The following SIL1 variants were observed in gnomAD, a reference collection of about 807,000 sequenced individuals.
The protein encoded by SIL1 is SIL1 nucleotide exchange factor, also known as nucleotide exchange factor SIL1.
SIL1 carries 40 observed loss-of-function variants against 49.1 expected under a neutral mutation model. The ratio of observed to expected loss-of-function variants is 0.81; its 90% CI spans 0.63 to 1.06. The LOEUF (loss-of-function observed/expected upper bound fraction) is 1.06. Among genes scored for constraint, SIL1 ranks in the 50% least tolerant of loss-of-function variants. The pLI, the probability that SIL1 is intolerant of heterozygous loss-of-function variation, is 0.00. For missense variants in SIL1, 500 were observed against 572.6 expected (o/e 0.87, Z 1.29); for synonymous variants, 253 against 250.8 (o/e 1.01, Z -0.08).
At chr5:139,055,905 G>A (rs531719043) in intron 3 of SIL1, among the ~76,000 whole-genome samples, 19 of 152,092 alleles carry the variant, frequency 1.2e-4, no homozygotes, top group African/African-American at 4.1e-4. Context: ...GCTCCTAACC[G>A]CGAGTGATCC....
intron 5 of SIL1, 109 bp downstream of exon 5, chr5:139,042,511 T>C (rs1348034431): frequency 9.7e-6 from 9 of 927,738 alleles, no homozygotes; most frequent in Non-Finnish European, 1.6e-5. Context: ...TTTTACAATA[T>C]TGTTATCCCA....
chr5:139,077,457 A>ACAAAAC (rs1485320433), intron 3 of SIL1, among the ~76,000 whole-genome samples: 2 of 152,198 alleles, frequency 1.3e-5, no homozygotes, highest in African/African-American at 4.8e-5. Flanking sequence ...CAGTGACCCA[A>ACAAAAC]TCTACAACAA....
rs1439950937 is a variant in SIL1, at chr5:138,965,830, C to T, written c.768-13946G>A. Among the ~76,000 whole-genome samples the T allele has an allele frequency of 2.4e-5, 3 of 126,758 alleles. 1 individual carries two copies. The highest frequency in any genetic ancestry group is 9.2e-5 in the African/African-American group (3 of 32,580). The allele number at this position is 126,758 out of a possible 152,430, so 83.2% of individuals were successfully genotyped here. A position where few individuals can be genotyped will look rare whatever the true frequency, so the allele number is the denominator to read the frequency against. On this transcript the variant is annotated intron_variant, in intron 7 of 9. Transcript: ENST00000394817. ...ACAGGTCAATTAACCTGCCTCTCAG[C>T]TCAAGGTCCAGGTTCCGGGACCATG...
Position 139,021,522 on chromosome 5 carries a change from A to G in SIL1, c.646-230T>C, listed in dbSNP as rs3749665. Among the ~76,000 whole-genome samples the G allele has an allele frequency of 0.47, 71,491 of 152,090 alleles. 19,233 individuals carry two copies. The highest frequency in any genetic ancestry group is 0.76 in the African/African-American group (31,329 of 41,484). ...GATGAGCACCTGCGTGGGAATCAGC[A>G]GAAATGACACCTAGCTATTGCTTAT... On this transcript the variant is annotated intron_variant, in intron 6 of 9. Coordinates refer to ENST00000394817, the MANE Select transcript of SIL1 (RefSeq NM_022464.5).
At chr5:139,176,113 G>C (rs988907016) in intron 1 of SIL1, among the ~76,000 whole-genome samples, 1 of 151,976 alleles carries the variant, frequency 6.6e-6, no homozygotes, top group East Asian at 1.9e-4. Context: ...CTCCCACATC[G>C]GCCTCCCAAA....
chr5:139,122,974 C>T (rs1463787092), intron 2 of SIL1, among the ~76,000 whole-genome samples: 1 of 152,112 alleles, frequency 6.6e-6, no homozygotes, highest in African/African-American at 2.4e-5. Flanking sequence ...GCTTCAGTTT[C>T]CACATTTTCA....
At chr5:138,998,852 C>CTTTT (rs35074969) in intron 7 of SIL1, among the ~76,000 whole-genome samples, 11 of 98,774 alleles carry the variant, frequency 1.1e-4, no homozygotes, top group African/African-American at 3.9e-4. Context: ...ATTATCTTTC[C>CTTTT]TTTTTTTTTT....
Position 138,951,694 on chromosome 5 carries a change from C to A in SIL1, c.864+94G>T. On this transcript the variant is annotated intron_variant, in intron 8 of 9. Coordinates refer to ENST00000394817, the MANE Select transcript of SIL1 (RefSeq NM_022464.5). ...ACCCAGCAGATGATGCTCAGGCCCC[C>A]ATGGTAACATGCACAGCCTGGACAG... 4 of 1,185,120 alleles carry A rather than the reference C, an allele frequency of 3.4e-6. No homozygotes were observed. The South Asian group carries it at 4.9e-5, about 14-fold the overall frequency. The allele number at this position is 1,185,120 out of a possible 1,614,324, so 73.4% of individuals were successfully genotyped here. A position where few individuals can be genotyped will look rare whatever the true frequency, so the allele number is the denominator to read the frequency against.
chr5:138,955,401 CT>C (rs929319786), intron 7 of SIL1, among the ~76,000 whole-genome samples: 2 of 152,192 alleles, frequency 1.3e-5, no homozygotes, highest in African/African-American at 2.4e-5. Flanking sequence ...CTCTGTAAAT[CT>C]TGCAGGGAGA....
chr5:139,048,608 G>A (rs532057686), intron 4 of SIL1, among the ~76,000 whole-genome samples: 4 of 152,024 alleles, frequency 2.6e-5, no homozygotes, highest in East Asian at 1.9e-4. Context: ...AGGCTCAAAC[G>A]ATCCACCCGC....
chr5:139,044,693 CA>C (rs936445910), intron 4 of SIL1, among the ~76,000 whole-genome samples: 10 of 152,278 alleles, frequency 6.6e-5, no homozygotes, highest in African/African-American at 2.4e-4. Context: ...GTTGCCTTTA[CA>C]AAAGCTTTAA....
intron 5 of SIL1, among the ~76,000 whole-genome samples, chr5:139,038,239 G>A (rs1478980899): frequency 2.6e-5 from 4 of 152,182 alleles, no homozygotes; most frequent in Non-Finnish European, 5.9e-5. Flanking sequence ...AGTTGTGATT[G>A]TCCTGGTTCT....
intron 3 of SIL1, among the ~76,000 whole-genome samples, chr5:139,084,064 T>G (rs1770154121): frequency 6.8e-6 from 1 of 147,104 alleles, no homozygotes; most frequent in South Asian, 2.3e-4. Context: ...ACCAGTACCA[T>G]GCTGTTTTGG....
At chr5:139,022,576 A>C (rs1768553857) in intron 6 of SIL1, 1 of 152,226 alleles carries the variant, frequency 6.6e-6, no homozygotes, top group Admixed American at 6.5e-5. Flanking sequence ...TCAGAAAAGA[A>C]TGTTCCTGAA....
At chr5:139,134,255 C>T (rs1241251908) in intron 1 of SIL1, among the ~76,000 whole-genome samples, 3 of 152,186 alleles carry the variant, frequency 2.0e-5, no homozygotes, top group Non-Finnish European at 4.4e-5. Flanking sequence ...GTAGCTGGGA[C>T]TACTACCGAG....
intron 3 of SIL1, among the ~76,000 whole-genome samples, chr5:139,080,412 C>A (rs1009878525): frequency 6.6e-6 from 1 of 152,186 alleles, no homozygotes; most frequent in African/African-American, 2.4e-5. Context: ...CTGCCAAAAA[C>A]CAACCTGACA....
Position 138,951,226 on chromosome 5 carries a change from G to T in SIL1, c.974C>A (p.Thr325Lys). The stretch of plus-strand genomic sequence containing the variant: ...GACCACGCGCACGGCGAGCACCTCC[G>T]TGCCCTTCTCCTGCACCAGGGTCCT... ...VLRTLVQEKG[T>K]EVLAVRVVTL... is the part of the protein sequence containing the mutation. Residue 325 changes from threonine (T) to lysine (K), a missense_variant, in exon 9 of 10, where the codon ACG (threonine) becomes AAG (lysine). By Grantham distance (78) the Thr-to-Lys change is moderately conservative. Coordinates refer to ENST00000394817, the MANE Select transcript of SIL1 (RefSeq NM_022464.5). 6.2e-7 allele frequency: 1 copy of T among 1,607,096 alleles called. No individual in the cohort carries two copies. Among genetic ancestry groups the T allele is most frequent in the Non-Finnish European group, 8.5e-7 (1 of 1,176,748 alleles).
intron 3 of SIL1, among the ~76,000 whole-genome samples, chr5:139,065,486 G>A (rs1769684787): frequency 6.6e-6 from 1 of 152,210 alleles, no homozygotes; most frequent in African/African-American, 2.4e-5. Flanking sequence ...TTGCAACAAT[G>A]CACCAAAGAG....
intron 5 of SIL1, among the ~76,000 whole-genome samples, chr5:139,040,351 T>C (rs1769010948): frequency 6.6e-6 from 1 of 152,030 alleles, no homozygotes; most frequent in South Asian, 2.1e-4. Flanking sequence ...CAACCTAAGT[T>C]CCACATAAGT....
Sources: gnomAD v4.1 joint callset for allele counts (sites outside exome capture counted in the v4.1 genomes callset) on GRCh38, gnomAD v4.1.1 for gene constraint, MANE v1.5 for transcripts, NCBI Gene and HGNC (gene_info 2026-07-23, HGNC 2026-07-21) for gene names.